The following ZNF385D variants were observed in gnomAD, a reference collection of about 807,000 sequenced individuals.
ZNF385D encodes zinc finger protein 385D, also known as zinc finger protein 659.
Under a neutral mutation model 35.8 loss-of-function variants are expected in ZNF385D, and 15 were observed. The ratio of observed to expected loss-of-function variants is 0.42; its 90% CI spans 0.28 to 0.64. The LOEUF (loss-of-function observed/expected upper bound fraction) is 0.64, where lower values mean the gene tolerates loss of function less well. ZNF385D is among the 30% of genes least tolerant of loss of function. The pLI is 0.23. For synonymous variants in ZNF385D, 212 were observed against 186.8 expected, an observed-to-expected ratio of 1.13 and a Z score of -1.10; for missense variants, 474 against 494.6, an observed-to-expected ratio of 0.96 and a Z score of 0.39.
chr3:22,205,006 T>C (rs11129049), intron 2 of ZNF385D, among the ~76,000 whole-genome samples: 50,431 of 141,864 alleles, frequency 0.36, 8,890 homozygotes, highest in Middle Eastern at 0.41. Flanking sequence ...AAAATCAATA[T>C]CCATGTACAA....
At chr3:22,234,633 G>C (rs539845332) in intron 2 of ZNF385D, among the ~76,000 whole-genome samples, 150 of 151,944 alleles carry the variant, frequency 9.9e-4, no homozygotes, top group African/African-American at 3.4e-3. Context: ...CATTATTTAT[G>C]TTTACTTAAG....
upstream of ZNF385D, among the ~76,000 whole-genome samples, chr3:21,755,773 C>A (rs2070312939): frequency 2.0e-5 from 3 of 152,148 alleles, no homozygotes; most frequent in African/African-American, 7.2e-5. Flanking sequence ...TCTATGAATT[C>A]ATTCAACATT....
chr3:22,169,043 T>C, intron 2 of ZNF385D: 12 of 984,424 alleles, frequency 1.2e-5, no homozygotes, highest in Non-Finnish European at 1.2e-5. Context: ...AATCTGAGGG[T>C]GCAAGGAAAA....
intron 3 of ZNF385D, among the ~76,000 whole-genome samples, chr3:21,860,697 T>G (rs896834420): frequency 2.6e-5 from 4 of 152,140 alleles, no homozygotes; most frequent in African/African-American, 9.7e-5. Context: ...CCAAACATTT[T>G]CTCTAACTTC....
chr3:22,002,214 C>T (rs1469436909), intron 3 of ZNF385D, among the ~76,000 whole-genome samples: 6 of 150,978 alleles, frequency 4.0e-5, no homozygotes, highest in Non-Finnish European at 3.0e-5. Flanking sequence ...CTAACCAATA[C>T]CAAAAAAGAC....
At chr3:22,094,384 T>TGAGATATATATATATATA (rs150353996) in intron 3 of ZNF385D, among the ~76,000 whole-genome samples, 3 of 104,146 alleles carry the variant, frequency 2.9e-5, no homozygotes, top group African/African-American at 1.0e-4. Context: ...CATTTATTGT[T>TGAGATATATATATATATA]GATATATATA....
chr3:22,250,745 C>G (rs1351888573), intron 2 of ZNF385D, among the ~76,000 whole-genome samples: 1 of 152,086 alleles, frequency 6.6e-6, no homozygotes, highest in Non-Finnish European at 1.5e-5. Flanking sequence ...AGTTAAATAA[C>G]ACTGCATGAC....
intron 2 of ZNF385D, among the ~76,000 whole-genome samples, chr3:21,603,194 T>C (rs959735811): frequency 6.6e-6 from 1 of 152,206 alleles, no homozygotes; most frequent in Non-Finnish European, 1.5e-5. Flanking sequence ...TAAAGAGGTA[T>C]GTGATTTAAC....
intron 3 of ZNF385D, among the ~76,000 whole-genome samples, chr3:22,140,565 A>G (rs1351716818): frequency 2.0e-5 from 3 of 152,170 alleles, no homozygotes. Flanking sequence ...ATCCAAATAA[A>G]TTTGTAGTTT....
At chr3:21,579,125 C>G (rs531414341) in intron 2 of ZNF385D, 1 of 152,066 alleles carries the variant, frequency 6.6e-6, no homozygotes, top group Admixed American at 6.6e-5. Context: ...AAAGAGAAGT[C>G]AGGTTTCTCG....
intron 3 of ZNF385D, among the ~76,000 whole-genome samples, chr3:21,808,463 A>G (rs563183463): frequency 2.6e-4 from 40 of 152,304 alleles, no homozygotes; most frequent in Admixed American, 1.9e-3. Flanking sequence ...AAGTGAATCC[A>G]AGCAGAGATG....
chr3:22,034,011 G>C (rs956005042), intron 3 of ZNF385D, among the ~76,000 whole-genome samples: 1 of 152,126 alleles, frequency 6.6e-6, no homozygotes, highest in Non-Finnish European at 1.5e-5. Context: ...AAAACGTAAA[G>C]TCCTGCTTTC....
intron 3 of ZNF385D, among the ~76,000 whole-genome samples, chr3:21,761,509 G>A (rs906892642): frequency 2.6e-5 from 4 of 152,140 alleles, no homozygotes; most frequent in African/African-American, 7.2e-5. Context: ...CCCATTTGGG[G>A]CTTGTTTCCT....
intron 4 of ZNF385D, among the ~76,000 whole-genome samples, chr3:21,495,326 A>G (rs753389778): frequency 6.6e-6 from 1 of 152,070 alleles, no homozygotes; most frequent in African/African-American, 2.4e-5. Flanking sequence ...GAGCTGGCAG[A>G]GAAATAGAAA....
intron 3 of ZNF385D, among the ~76,000 whole-genome samples, chr3:21,942,992 A>T (rs1575972450): frequency 6.6e-6 from 1 of 152,192 alleles, no homozygotes; most frequent in Non-Finnish European, 1.5e-5. Flanking sequence ...TCTTCATGAC[A>T]ATGGTTAAGA....
intron 3 of ZNF385D, among the ~76,000 whole-genome samples, chr3:22,008,704 C>G (rs1291958517): frequency 6.6e-6 from 1 of 152,048 alleles, no homozygotes; most frequent in Non-Finnish European, 1.5e-5. Flanking sequence ...GAAGCCATAA[C>G]AAAACACAAC....
Position 22,061,511 on chromosome 3 carries a change from GTCACTCTTT to G in ZNF385D, c.325+107297_325+107305del, listed in dbSNP as rs201641722. On this transcript the variant is annotated intron_variant, in intron 3 of 5. Transcript: ENST00000494108. ...CACTCTTAAAAGTATACCAGATTAT[GTCACTCTTT>G]TCTTCTCAAGCCTCCCACAATAACT... Among the ~76,000 whole-genome samples the G allele has an allele frequency of 8.1e-3, 1,239 of 152,202 alleles. 23 individuals are homozygous for G. Among genetic ancestry groups the G allele is most frequent in the African/African-American group, 0.028 (1,167 of 41,554 alleles).
chr3:22,003,806 G>T (rs1355939439), intron 3 of ZNF385D, among the ~76,000 whole-genome samples: 2 of 151,664 alleles, frequency 1.3e-5, no homozygotes, highest in Non-Finnish European at 2.9e-5. Flanking sequence ...GGCAGAGGCT[G>T]CAGTGAGCCA....
At chr3:21,924,723 G>A (rs547498610) in intron 3 of ZNF385D, among the ~76,000 whole-genome samples, 21 of 152,198 alleles carry the variant, frequency 1.4e-4, no homozygotes, top group Non-Finnish European at 2.5e-4. Context: ...GACAAGTGGG[G>A]GCAGTAATAA....
Sources: gnomAD v4.1 joint callset for allele counts (sites outside exome capture counted in the v4.1 genomes callset) on GRCh38, gnomAD v4.1.1 for gene constraint, MANE v1.5 for transcripts, NCBI Gene and HGNC (gene_info 2026-07-23, HGNC 2026-07-21) for gene names.